The following INPP4B variants were observed in gnomAD, a reference collection of about 807,000 sequenced individuals.
INPP4B encodes inositol polyphosphate 4-phosphatase type II.
INPP4B carries 55 observed loss-of-function variants against 122.5 expected under a neutral mutation model. That is an observed-to-expected ratio of 0.45 (90% CI 0.36 to 0.56). The LOEUF is 0.56. Ranked by LOEUF, INPP4B falls within the 20% of genes least tolerant of loss-of-function variation. The pLI is 0.00. For missense variants in INPP4B, 1,000 were observed against 1,097.7 expected, an observed-to-expected ratio of 0.91 and a Z score of 1.26; for synonymous variants, 403 against 388.7, an observed-to-expected ratio of 1.04 and a Z score of -0.43.
chr4:142,588,512 T>C (rs1736720087), intron 2 of INPP4B, among the ~76,000 whole-genome samples: 1 of 151,306 alleles, frequency 6.6e-6, no homozygotes, highest in African/African-American at 2.4e-5. Context: ...TTGCTATACA[T>C]TAGCAATGAA....
At chr4:142,654,656 T>TC (rs1353466746) in intron 2 of INPP4B, 10 of 152,214 alleles carry the variant, frequency 6.6e-5, no homozygotes, top group African/African-American at 2.4e-4. Context: ...TGGAAGTCAC[T>TC]CCTTCCCTGA....
At position 142,066,863 on chromosome 4, in the gene INPP4B, G is replaced by A. The variant is rs10019498; in HGVS notation, c.2642+15168C>T. On this transcript the variant is annotated intron_variant, in intron 25 of 25. Transcript: ENST00000262992. ...ATGGAGCCCACCACAGCTCAAGGAG[G>A]CCTGCCTGTCTCTGCAGACTCCACC... is the stretch of plus-strand genomic sequence containing the variant. Among the ~76,000 whole-genome samples the A allele has an allele frequency of 9.9e-3, 1,512 of 152,332 alleles. 22 individuals carry two copies. The highest frequency in any genetic ancestry group is 0.034 in the African/African-American group (1,426 of 41,578).
At chr4:142,068,116 G>C (rs990850282) in intron 25 of INPP4B, among the ~76,000 whole-genome samples, 1 of 152,196 alleles carries the variant, frequency 6.6e-6, no homozygotes, top group Non-Finnish European at 1.5e-5. Context: ...AAGCCCATCA[G>C]ACTAACAGCG....
intron 23 of INPP4B, among the ~76,000 whole-genome samples, chr4:142,089,888 G>A (rs1409470199): frequency 6.6e-6 from 1 of 152,140 alleles, no homozygotes; most frequent in Non-Finnish European, 1.5e-5. Flanking sequence ...TGGGACTGAA[G>A]TGACTTTTTC....
chr4:142,127,388 T>C (rs1346026109), intron 18 of INPP4B, among the ~76,000 whole-genome samples: 2 of 152,132 alleles, frequency 1.3e-5, no homozygotes, highest in African/African-American at 4.8e-5. Context: ...CTCATTAGCA[T>C]AAGGATAGTT....
Position 142,251,749 on chromosome 4 carries a change from G to A in INPP4B, c.688+8743C>T, listed in dbSNP as rs188355177. On this transcript the variant is annotated intron_variant, in intron 11 of 25. Coordinates refer to ENST00000262992, the MANE Select transcript of INPP4B (RefSeq NM_001101669.3). ...TTGTTTATCTGTGTGTATAAACAGAGCCAAAGGGATGCCTCTCCTTCCCCA... is the reference window on the plus strand; with the variant it reads ...TTGTTTATCTGTGTGTATAAACAGAACCAAAGGGATGCCTCTCCTTCCCCA... Among the ~76,000 whole-genome samples the A allele has an allele frequency of 1.2e-4, 18 of 152,282 alleles. No homozygotes were observed. The East Asian group carries it at 3.1e-3, about 26-fold the overall frequency.
intron 2 of INPP4B, among the ~76,000 whole-genome samples, chr4:142,591,908 G>C (rs1737585357): frequency 6.6e-6 from 1 of 151,920 alleles, no homozygotes; most frequent in African/African-American, 2.4e-5. Context: ...AAGAAACTAG[G>C]GATATATGAT....
Position 142,299,310 on chromosome 4 carries a change from C to T in INPP4B, c.503+6148G>A, listed in dbSNP as rs144465830. Among the ~76,000 whole-genome samples, 742 of 151,878 alleles carry T rather than the reference C, an allele frequency of 4.9e-3. 9 individuals are homozygous for T. Among genetic ancestry groups the T allele is most frequent in the African/African-American group, 0.017 (704 of 41,432 alleles). On this transcript the variant is annotated intron_variant, in intron 9 of 25. Coordinates refer to ENST00000262992, the MANE Select transcript of INPP4B (RefSeq NM_001101669.3). Reference sequence around the variant, plus strand: ...TCGCATAGCTGGGACTACAAGCATGCGCCATCACACCCAGCTAATTTTTGT... The same window carrying T: ...TCGCATAGCTGGGACTACAAGCATGTGCCATCACACCCAGCTAATTTTTGT...
At chr4:142,715,828 C>T (rs781421632) in intron 2 of INPP4B, among the ~76,000 whole-genome samples, 1 of 152,206 alleles carries the variant, frequency 6.6e-6, no homozygotes, top group Non-Finnish European at 1.5e-5. Context: ...CTGTTTCACT[C>T]ATTATCACTT....
chr4:142,721,507 T>G (rs138821174), intron 2 of INPP4B, among the ~76,000 whole-genome samples: 1,902 of 152,224 alleles, frequency 0.012, 28 homozygotes, highest in African/African-American at 0.035. Flanking sequence ...TTGATTGGAA[T>G]TTAGATTTTA....
intron 1 of INPP4B, among the ~76,000 whole-genome samples, chr4:142,738,904 C>T (rs1243039604): frequency 6.6e-6 from 1 of 152,054 alleles, no homozygotes; most frequent in Non-Finnish European, 1.5e-5. Context: ...TGTGGAAATT[C>T]TTCTCAGGTT....
rs574574050 is a variant in INPP4B, at chr4:142,229,394, AACTAT to A, written c.836+8465_836+8469del. 3.6e-3 allele frequency among the ~76,000 whole-genome samples: 544 copies of A among 152,276 alleles called. 4 individuals are homozygous for A. Among genetic ancestry groups the A allele is most frequent in the African/African-American group, 0.011 (473 of 41,554 alleles). Reference sequence around the variant, plus strand: ...AAATATACAGCACTATTAATACATGAACTATATAAGGCTTTGACAATGGTGCCTTA... The same window carrying A: ...AAATATACAGCACTATTAATACATGAATAAGGCTTTGACAATGGTGCCTTA... On this transcript the variant is annotated intron_variant, in intron 12 of 25. Transcript: ENST00000262992.
intron 2 of INPP4B, among the ~76,000 whole-genome samples, chr4:142,492,056 G>C (rs1478111475): frequency 6.6e-6 from 1 of 152,062 alleles, no homozygotes; most frequent in East Asian, 1.9e-4. Context: ...ATCCCATGCT[G>C]TTCATGTGAG....
At chr4:142,346,499 T>C (rs977573170) in intron 7 of INPP4B, among the ~76,000 whole-genome samples, 20 of 152,074 alleles carry the variant, frequency 1.3e-4, no homozygotes, top group African/African-American at 4.8e-4. Flanking sequence ...TAAAAGTCTC[T>C]TTCATAAAAC....
intron 2 of INPP4B, among the ~76,000 whole-genome samples, chr4:142,699,801 C>T (rs74341217): frequency 0.098 from 14,858 of 152,184 alleles, 806 homozygotes; most frequent in South Asian, 0.18. Context: ...ACCTCATCTG[C>T]ACTTGTATAT....
chr4:142,639,664 G>A (rs1045864453), intron 2 of INPP4B, among the ~76,000 whole-genome samples: 1 of 152,032 alleles, frequency 6.6e-6, no homozygotes, highest in Non-Finnish European at 1.5e-5. Flanking sequence ...GCTTTGCAGA[G>A]ACAGCAAAAT....
intron 1 of INPP4B, among the ~76,000 whole-genome samples, chr4:142,786,487 T>G (rs1409873861): frequency 6.6e-6 from 1 of 152,180 alleles, no homozygotes; most frequent in Non-Finnish European, 1.5e-5. Context: ...ATAATGTATG[T>G]AGATACTCTA....
chr4:142,155,459 AAC>A (rs1260124628), intron 17 of INPP4B, among the ~76,000 whole-genome samples: 2 of 152,134 alleles, frequency 1.3e-5, no homozygotes, highest in African/African-American at 4.8e-5. Context: ...TTTTGTTCTC[AAC>A]AGTTAACAAT....
intron 2 of INPP4B, among the ~76,000 whole-genome samples, chr4:142,720,775 C>A (rs1560996549): frequency 1.5e-4 from 2 of 13,152 alleles, no homozygotes; most frequent in African/African-American, 2.5e-4. Flanking sequence ...CTCTCTCTCT[C>A]TCTCTCTCTC....
Sources: gnomAD v4.1 joint callset for allele counts (sites outside exome capture counted in the v4.1 genomes callset) on GRCh38, gnomAD v4.1.1 for gene constraint, MANE v1.5 for transcripts, NCBI Gene and HGNC (gene_info 2026-07-23, HGNC 2026-07-21) for gene names.